TSPEAR: variants seen among roughly 807,000 people sequenced by gnomAD.
The protein encoded by TSPEAR is thrombospondin-type laminin G domain and EAR repeat-containing protein.
In TSPEAR, 69 loss-of-function variants were observed where a neutral mutation model predicts 71.6. The observed-to-expected ratio is 0.96, with a 90% CI of 0.79 to 1.18. The LOEUF (loss-of-function observed/expected upper bound fraction) is 1.18, where lower values mean the gene tolerates loss of function less well. Among genes scored for constraint, TSPEAR ranks in the 50% most tolerant of loss-of-function variants. TSPEAR has a pLI of 0.00. For missense variants in TSPEAR, 971 were observed against 894.9 expected, an observed-to-expected ratio of 1.09 and a Z score of -1.09; for synonymous variants, 402 against 387.2, an observed-to-expected ratio of 1.04 and a Z score of -0.45.
At chr21:44,516,314 AGGCT>A (rs1194237986) in intron 9 of TSPEAR, 1 of 152,410 alleles carries the variant, frequency 6.6e-6, no homozygotes, top group Non-Finnish European at 1.5e-5. Flanking sequence ...TGGGAGCGCC[AGGCT>A]GCCTGCCTGC....
At chr21:44,505,328 C>T (rs1371298488) in intron 10 of TSPEAR, among the ~76,000 whole-genome samples, 1 of 152,234 alleles carries the variant, frequency 6.6e-6, no homozygotes, top group East Asian at 1.9e-4. Context: ...ATCTGCCCAC[C>T]TCAGCCTCCC....
At chr21:44,552,003 A>G (rs2053450008) in intron 2 of TSPEAR, among the ~76,000 whole-genome samples, 1 of 152,206 alleles carries the variant, frequency 6.6e-6, no homozygotes, top group African/African-American at 2.4e-5. Context: ...GATGTCTGCC[A>G]AGAGCAGGAG....
intron 1 of TSPEAR, chr21:44,637,664 G>T: frequency 1.3e-6 from 2 of 1,580,892 alleles, no homozygotes; most frequent in South Asian, 1.1e-5. Context: ...CTGCCAGCCG[G>T]ATTGCTGCAC....
At chr21:44,524,931 T>A (rs2052819054) in intron 8 of TSPEAR, among the ~76,000 whole-genome samples, 1 of 150,584 alleles carries the variant, frequency 6.6e-6, no homozygotes, top group Admixed American at 6.6e-5. Context: ...AGTTAGTCAT[T>A]CAGGTAGTCA....
chr21:44,650,171 G>A (rs9982245), intron 1 of TSPEAR, among the ~76,000 whole-genome samples: 30,277 of 151,248 alleles, frequency 0.2, 3,200 homozygotes, highest in African/African-American at 0.24. Flanking sequence ...AGCCGTGATC[G>A]CGCCACTGCA....
At chr21:44,531,237 T>C (rs2052964820) in intron 3 of TSPEAR, 104 bp from the exon 4 acceptor site, 3 of 843,962 alleles carry the variant, frequency 3.6e-6, no homozygotes, top group East Asian at 2.7e-5. Context: ...CGTGCATCTG[T>C]GCTGTGGCTG....
intron 1 of TSPEAR, chr21:44,601,968 C>A: frequency 4.7e-6 from 3 of 643,886 alleles, no homozygotes; most frequent in Non-Finnish European, 8.1e-6. Context: ...GGGCAGTGAC[C>A]CCAGCAAGGC....
rs1160564720 is a variant in TSPEAR, at chr21:44,612,936, C to A, written c.83-44931G>T. On this transcript the variant is annotated intron_variant, in intron 1 of 11. Coordinates refer to ENST00000323084, the MANE Select transcript of TSPEAR (RefSeq NM_144991.3). This position sits in a 1 kb window ranked among gnomAD's most constrained non-coding sequence, Gnocchi z 4.1. ...TGATGGGCACGTCCCCCAGGGCCAG[C>A]CGGCTCCGGTCCTGTCCTGGGTTAA... is the stretch of plus-strand genomic sequence containing the variant. 1.3e-5 allele frequency: 21 copies of A among 1,592,774 alleles called. No individual in the cohort carries two copies. The East Asian group carries it at 4.7e-4, about 36-fold the overall frequency.
intron 9 of TSPEAR, chr21:44,518,417 C>A: frequency 2.5e-6 from 1 of 407,470 alleles, no homozygotes; most frequent in South Asian, 1.8e-5. Context: ...GGTGTTATCA[C>A]AGGGGCTTTA....
chr21:44,648,534 G>A (rs1419584834), intron 1 of TSPEAR, among the ~76,000 whole-genome samples: 4 of 152,202 alleles, frequency 2.6e-5, no homozygotes, highest in Non-Finnish European at 1.5e-5. Context: ...AGGCCTTCAT[G>A]GACCTTTCAT....
At chr21:44,579,588 A>G in intron 1 of TSPEAR, 1 of 791,630 alleles carries the variant, frequency 1.3e-6, no homozygotes, top group Non-Finnish European at 2.0e-6. Context: ...CCCTGCTGGG[A>G]GGCAGGAGCT....
At chr21:44,621,927 T>A (rs1555933556) in intron 1 of TSPEAR, among the ~76,000 whole-genome samples, 1 of 152,164 alleles carries the variant, frequency 6.6e-6, no homozygotes, top group East Asian at 1.9e-4. Flanking sequence ...CTCATGGCCA[T>A]TTGTAGTCAT....
intron 1 of TSPEAR, among the ~76,000 whole-genome samples, chr21:44,675,186 A>G (rs143425882): frequency 1.3e-3 from 193 of 152,342 alleles, no homozygotes; most frequent in African/African-American, 4.4e-3. Flanking sequence ...ACAAAATACT[A>G]GCAAACTGAA....
chr21:44,555,419 C>A (rs1555919618), intron 2 of TSPEAR, among the ~76,000 whole-genome samples: 1 of 152,214 alleles, frequency 6.6e-6, no homozygotes, highest in Non-Finnish European at 1.5e-5. Flanking sequence ...GACTCCCGCA[C>A]TAGCAGGGCC....
intron 2 of TSPEAR, chr21:44,558,882 CTTG>C (rs782772565): frequency 8.7e-5 from 77 of 887,724 alleles, no homozygotes; most frequent in African/African-American, 3.3e-4. Flanking sequence ...CTTCCTCTTC[CTTG>C]TTGTTGTTGT....
At chr21:44,533,661 C>A in intron 3 of TSPEAR, 24 bp downstream of exon 3, 1 of 1,576,390 alleles carries the variant, frequency 6.3e-7, no homozygotes, top group Non-Finnish European at 8.7e-7. Context: ...ACTGCAGGTG[C>A]ACCCTCCCCG....
At chr21:44,602,376 C>T (rs1453757791) in intron 1 of TSPEAR, among the ~76,000 whole-genome samples, 2 of 152,302 alleles carry the variant, frequency 1.3e-5, no homozygotes, top group Middle Eastern at 3.4e-3. Context: ...CCAACAGCAG[C>T]GCCTGCCCTG....
chr21:44,512,540 T>C (rs1601334266), intron 9 of TSPEAR, among the ~76,000 whole-genome samples: 2 of 151,992 alleles, frequency 1.3e-5, no homozygotes, highest in African/African-American at 4.8e-5. Context: ...GAGGGGCAGG[T>C]GGCAGGAGCG....
At position 44,710,506 on chromosome 21, in the gene TSPEAR, T is replaced by A. The variant is rs1988165055; in HGVS notation, c.82+927A>T. 6.6e-6 allele frequency among the ~76,000 whole-genome samples: 1 copy of A among 151,052 alleles called. No individual in the cohort carries two copies. The highest frequency in any genetic ancestry group is 2.4e-5 in the African/African-American group (1 of 41,244). On this transcript the variant is annotated intron_variant, in intron 1 of 11. Transcript: ENST00000323084. This position sits in a 1 kb window ranked among gnomAD's most constrained non-coding sequence, Gnocchi z 4.6. ...CCTGGTCATGTCATCGGGATCTGAGTGCCATCCGAGCAGAGAGCTGTGGCC... is the reference window on the plus strand; with the variant it reads ...CCTGGTCATGTCATCGGGATCTGAGAGCCATCCGAGCAGAGAGCTGTGGCC...
Sources: allele counts gnomAD v4.1 joint callset (sites outside exome capture counted in the v4.1 genomes callset), GRCh38; gene constraint gnomAD v4.1.1; non-coding constraint Gnocchi (gnomAD v3.1); transcripts MANE v1.5; gene names NCBI Gene and HGNC (gene_info 2026-07-23, HGNC 2026-07-21).